NUDCD1: variants seen among roughly 807,000 people sequenced by gnomAD.
NUDCD1 encodes the protein nudC domain-containing protein 1.
In NUDCD1, 60 loss-of-function variants were observed where a neutral mutation model predicts 67.8. The observed-to-expected ratio is 0.88, with a 90% CI of 0.72 to 1.10. The LOEUF is 1.10. Ranked by LOEUF, NUDCD1 falls within the 50% of genes least tolerant of loss-of-function variation. The pLI is 0.00. For synonymous variants in NUDCD1, 244 were observed against 230.8 expected (o/e 1.06, Z -0.52); for missense variants, 643 against 695.0 (o/e 0.93, Z 0.84).
intron 2 of NUDCD1, among the ~76,000 whole-genome samples, chr8:109,304,851 G>A (rs1470502121): frequency 2.0e-5 from 3 of 152,090 alleles, no homozygotes; most frequent in East Asian, 3.9e-4. Context: ...TCTCCTCCTC[G>A]TTGGTCACTC....
At chr8:109,253,510 A>G (rs1813666873) in intron 8 of NUDCD1, among the ~76,000 whole-genome samples, 1 of 152,182 alleles carries the variant, frequency 6.6e-6, no homozygotes, top group Admixed American at 6.5e-5. Flanking sequence ...TGTTTCCAAA[A>G]TGACCTTAGT....
At position 109,270,329 on chromosome 8, in the gene NUDCD1, T is replaced by TA. The variant is rs74847351; in HGVS notation, c.1299+675dup. ...GTTATTACATAAAATAACTTGACAG[T>TA]AAAAAAAAAAAAGATTGGCACAAGT... On this transcript the variant is annotated intron_variant, in intron 8 of 9. Transcript: ENST00000239690. Among the ~76,000 whole-genome samples, 209 of 138,528 alleles carry TA rather than the reference T, an allele frequency of 1.5e-3. 1 individual carries two copies. Among genetic ancestry groups the TA allele is most frequent in the Admixed American group, 5.5e-3 (77 of 13,878 alleles). The allele number at this position is 138,528 out of a possible 152,430, so 90.9% of individuals were successfully genotyped here.
At chr8:109,255,669 T>G (rs1452966298) in intron 8 of NUDCD1, among the ~76,000 whole-genome samples, 1 of 146,100 alleles carries the variant, frequency 6.8e-6, no homozygotes, top group African/African-American at 2.5e-5. Context: ...AAATAGAAAG[T>G]TCCACACAGA....
chr8:109,273,891 T>G (rs1240603752), intron 7 of NUDCD1, among the ~76,000 whole-genome samples: 2 of 152,166 alleles, frequency 1.3e-5, no homozygotes, highest in East Asian at 3.9e-4. Context: ...ACCTATCCAA[T>G]ATTCCTCACA....
At chr8:109,276,648 A>C (rs1284909022) in intron 6 of NUDCD1, among the ~76,000 whole-genome samples, 1 of 152,126 alleles carries the variant, frequency 6.6e-6, no homozygotes, top group African/African-American at 2.4e-5. Flanking sequence ...ATAAAAGCCC[A>C]GATTTAGTTA....
At chr8:109,314,630 A>AT (rs1815344535) in intron 2 of NUDCD1, among the ~76,000 whole-genome samples, 1 of 152,102 alleles carries the variant, frequency 6.6e-6, no homozygotes. Context: ...TAGTATACCC[A>AT]TCCCCAACCC....
intron 8 of NUDCD1, among the ~76,000 whole-genome samples, chr8:109,250,398 T>C (rs1813595555): frequency 6.6e-6 from 1 of 152,218 alleles, no homozygotes; most frequent in Non-Finnish European, 1.5e-5. Flanking sequence ...AGCATTATTT[T>C]AAGATAATGC....
chr8:109,320,190 CG>C (rs1292186354), intron 2 of NUDCD1, among the ~76,000 whole-genome samples: 1 of 152,110 alleles, frequency 6.6e-6, no homozygotes, highest in Non-Finnish European at 1.5e-5. Flanking sequence ...TGAGATCAAC[CG>C]GTCTGACCAA....
intron 8 of NUDCD1, among the ~76,000 whole-genome samples, chr8:109,260,922 G>A: frequency 6.6e-6 from 1 of 152,132 alleles, no homozygotes; most frequent in African/African-American, 2.4e-5. Flanking sequence ...TTACCAACAA[G>A]TCTTCGAAAT....
intron 8 of NUDCD1, among the ~76,000 whole-genome samples, chr8:109,249,299 A>G (rs1468903060): frequency 2.8e-4 from 43 of 152,224 alleles, no homozygotes; most frequent in Non-Finnish European, 1.5e-5. Context: ...TTTGTTTTGT[A>G]TATTAATGGC....
chr8:109,327,454 G>C (rs1815705666), intron 1 of NUDCD1, among the ~76,000 whole-genome samples: 1 of 152,084 alleles, frequency 6.6e-6, no homozygotes, highest in South Asian at 2.1e-4. Context: ...GAAAGAAAAA[G>C]GCCAGAGTGA....
intron 3 of NUDCD1, among the ~76,000 whole-genome samples, chr8:109,294,476 GT>G (rs112911710): frequency 0.071 from 10,868 of 152,046 alleles, 1,281 homozygotes; most frequent in African/African-American, 0.24. Flanking sequence ...ATGAAGGCAG[GT>G]TTTTATTGGT....
chr8:109,275,629 T>A, intron 6 of NUDCD1, 133 bp from the exon 7 acceptor site: 1 of 743,332 alleles, frequency 1.3e-6, no homozygotes, highest in Non-Finnish European at 2.1e-6. Flanking sequence ...TTACCAAAAA[T>A]CTTGCTCATT....
chr8:109,306,557 G>T (rs1815109113), intron 2 of NUDCD1, among the ~76,000 whole-genome samples: 2 of 151,512 alleles, frequency 1.3e-5, no homozygotes, highest in Admixed American at 1.3e-4. Flanking sequence ...ATCTTGCGTG[G>T]TATATGACAA....
In NUDCD1 at chr8:109,333,883, C is replaced by A. The variant is rs1815881123; in HGVS notation, c.118+10G>T. The A allele has an allele frequency of 6.2e-7, 1 of 1,613,716 alleles. No individual in the cohort carries two copies. The highest frequency in any genetic ancestry group is 1.1e-5 in the South Asian group (1 of 91,048). On this transcript the variant is annotated intron_variant, in intron 1 of 9. Transcript: ENST00000239690. Reference sequence around the variant, plus strand: ...AGGAACGGAGTACGAAGGGCGCCGCCGCTTCCCACCTGCGTCAAGCTCCAG... The same window carrying A: ...AGGAACGGAGTACGAAGGGCGCCGCAGCTTCCCACCTGCGTCAAGCTCCAG...
At chr8:109,289,725 T>C (rs1346092822) in intron 5 of NUDCD1, 26 bp downstream of exon 5, 4 of 1,140,580 alleles carry the variant, frequency 3.5e-6, no homozygotes, top group African/African-American at 1.6e-5. Flanking sequence ...AAAATACCAA[T>C]AAGCTCTATT....
chr8:109,331,515 CAAAAAAAAAAAA>C (rs59203626), intron 1 of NUDCD1, among the ~76,000 whole-genome samples: 2 of 65,888 alleles, frequency 3.0e-5, no homozygotes, highest in Admixed American at 3.4e-4. Flanking sequence ...GACTCAGACT[CAAAAAAAAAAAA>C]AAAAAAAAAA....
At chr8:109,273,570 A>G (rs1300064179) in intron 7 of NUDCD1, among the ~76,000 whole-genome samples, 1 of 152,142 alleles carries the variant, frequency 6.6e-6, no homozygotes, top group Non-Finnish European at 1.5e-5. Flanking sequence ...AACACAGAAA[A>G]TAAGAAATGG....
At chr8:109,268,250 G>A (rs1485778207) in intron 8 of NUDCD1, among the ~76,000 whole-genome samples, 2 of 151,978 alleles carry the variant, frequency 1.3e-5, no homozygotes, top group South Asian at 2.1e-4. Flanking sequence ...AAGAAAAATC[G>A]GTGTATTTTG....
Sources: allele counts gnomAD v4.1 joint callset (sites outside exome capture counted in the v4.1 genomes callset), GRCh38; gene constraint gnomAD v4.1.1; transcripts MANE v1.5; gene names NCBI Gene and HGNC (gene_info 2026-07-23, HGNC 2026-07-21).